The following GATB variants were observed in gnomAD, a reference collection of about 807,000 sequenced individuals.
GATB encodes glutamyl-tRNA amidotransferase subunit B, also known as glutamyl-tRNA(Gln) amidotransferase subunit B, mitochondrial.
GATB carries 39 observed loss-of-function variants against 62.3 expected under a neutral mutation model. That is an observed-to-expected ratio of 0.63 (90% CI 0.48 to 0.82). The LOEUF (loss-of-function observed/expected upper bound fraction) is 0.82, where lower values mean the gene tolerates loss of function less well. GATB is among the 40% of genes least tolerant of loss of function. The probability of loss-of-function intolerance (pLI) is 0.00; values close to 1 mark genes in which losing one functional copy is unlikely to be tolerated. For synonymous variants in GATB, 276 were observed against 258.9 expected, an observed-to-expected ratio of 1.07 and a Z score of -0.63; for missense variants, 670 against 684.0, an observed-to-expected ratio of 0.98 and a Z score of 0.23.
chr4:151,748,605 A>G (rs1454379054), intron 2 of GATB, among the ~76,000 whole-genome samples: 1 of 152,234 alleles, frequency 6.6e-6, no homozygotes, highest in African/African-American at 2.4e-5. Context: ...GGCATGGGCA[A>G]GGACTTCATG....
At chr4:151,721,940 C>T in intron 2 of GATB, 1 of 502,600 alleles carries the variant, frequency 2.0e-6, no homozygotes, top group Non-Finnish European at 3.5e-6. Context: ...GTAAAACACA[C>T]AAACATTACA....
At chr4:151,742,008 C>G (rs1276732605) in intron 2 of GATB, among the ~76,000 whole-genome samples, 2 of 151,992 alleles carry the variant, frequency 1.3e-5, no homozygotes, top group Admixed American at 6.6e-5. Flanking sequence ...CTGGGATGTG[C>G]ACCAACCTTG....
chr4:151,713,713 C>T (rs1294981927), intron 5 of GATB, among the ~76,000 whole-genome samples: 2 of 152,184 alleles, frequency 1.3e-5, no homozygotes, highest in African/African-American at 2.4e-5. Context: ...CTTGGCACCC[C>T]ACCTTGCTAT....
chr4:151,690,464 CTA>C (rs1738341518), intron 9 of GATB, among the ~76,000 whole-genome samples: 1 of 152,256 alleles, frequency 6.6e-6, no homozygotes, highest in Non-Finnish European at 1.5e-5. Flanking sequence ...ATTCAAACTT[CTA>C]CAATAGTACA....
Position 151,730,845 on chromosome 4 carries a change from T to C in GATB, c.328-11307A>G, listed in dbSNP as rs1275151705. On this transcript the variant is annotated intron_variant, in intron 2 of 12. Coordinates refer to ENST00000263985, the MANE Select transcript of GATB (RefSeq NM_004564.3). This position sits in a 1 kb window ranked among gnomAD's most constrained non-coding sequence, Gnocchi z 4.1. ...TGAGAAGGAACGAGAAAACCAACGCTGGTAATATGACAAAACAAGGCTTTT... is the reference window on the plus strand; with the variant it reads ...TGAGAAGGAACGAGAAAACCAACGCCGGTAATATGACAAAACAAGGCTTTT... 1.3e-5 allele frequency among the ~76,000 whole-genome samples: 2 copies of C among 152,162 alleles called. No homozygotes were observed. Among genetic ancestry groups the C allele is most frequent in the Non-Finnish European group, 2.9e-5 (2 of 68,036 alleles).
intron 2 of GATB, among the ~76,000 whole-genome samples, chr4:151,734,097 G>A (rs1473996378): frequency 6.6e-6 from 1 of 152,160 alleles, no homozygotes; most frequent in Non-Finnish European, 1.5e-5. Context: ...GCCCTAGCCA[G>A]AGCAATCAGA....
chr4:151,673,548 T>A (rs1405657098), intron 11 of GATB: 2 of 152,214 alleles, frequency 1.3e-5, no homozygotes, highest in African/African-American at 4.8e-5. Flanking sequence ...CCCCCTGGCC[T>A]ACCACATTCA....
intron 6 of GATB, 68 bp from the exon 7 acceptor site, chr4:151,705,337 G>T: frequency 1.1e-6 from 1 of 919,904 alleles, no homozygotes; most frequent in Non-Finnish European, 1.7e-6. Context: ...GCAATAATTA[G>T]AAACAACCTT....
chr4:151,759,217 T>C (rs151122917), intron 1 of GATB, among the ~76,000 whole-genome samples: 1 of 152,242 alleles, frequency 6.6e-6, no homozygotes, highest in Non-Finnish European at 1.5e-5. Context: ...TTAAAACAAT[T>C]TAGAAATGGG....
At chr4:151,685,433 C>T (rs1738224551) in intron 10 of GATB, among the ~76,000 whole-genome samples, 1 of 152,178 alleles carries the variant, frequency 6.6e-6, no homozygotes, top group South Asian at 2.1e-4. Context: ...GCTGAATCCC[C>T]CTGACGTTCC....
Position 151,760,842 on chromosome 4 carries a change from C to T in GATB, c.141G>A (p.Gln47=). 1 of 1,611,466 alleles carries T rather than the reference C, an allele frequency of 6.2e-7. No individual in the cohort carries two copies. Among genetic ancestry groups the T allele is most frequent in the Non-Finnish European group, 8.5e-7 (1 of 1,178,706 alleles). The change falls in exon 1 of 13, where the codon CAG becomes CAA. Residue 47 remains glutamine (Q), a synonymous_variant. Transcript: ENST00000263985. ...NQIRGESSVA[Q]QPLHTAQKTR... is the part of the protein sequence containing the mutation. ...TCTTCTGGGCCGTGTGGAGGGGCTG[C>T]TGAGCCACTGAGCTCTCTCCCCTAA...
At chr4:151,677,739 C>G (rs1023347462) in intron 11 of GATB, 1 of 151,966 alleles carries the variant, frequency 6.6e-6, no homozygotes, top group South Asian at 2.1e-4. Flanking sequence ...AGGACTGATG[C>G]GTGCCGCAAC....
intron 12 of GATB, 88 bp downstream of exon 12, chr4:151,672,674 C>T: frequency 7.1e-7 from 1 of 1,416,288 alleles, no homozygotes; most frequent in Non-Finnish European, 9.6e-7. Context: ...TTAGGAAGAG[C>T]CTCTGGGCTG....
At chr4:151,672,028 C>T (rs1212401289) in intron 12 of GATB, among the ~76,000 whole-genome samples, 1 of 152,178 alleles carries the variant, frequency 6.6e-6, no homozygotes, top group Non-Finnish European at 1.5e-5. Flanking sequence ...GCTGTGGAGG[C>T]CCAGTGCAGG....
chr4:151,694,087 C>T (rs1048251757), intron 9 of GATB, among the ~76,000 whole-genome samples: 4 of 152,198 alleles, frequency 2.6e-5, no homozygotes, highest in East Asian at 3.8e-4. Flanking sequence ...ACTGTCCAAT[C>T]GTCCCCACAT....
chr4:151,730,308 C>A lies in GATB; in HGVS notation c.328-10770G>T, dbSNP rs1161305505. Reference sequence around the variant, plus strand: ...AGAGTCTGAGCTCAGACATGCCTAGCCCTGCTGCCACCTGATGGTCCTTCC... The same window carrying A: ...AGAGTCTGAGCTCAGACATGCCTAGACCTGCTGCCACCTGATGGTCCTTCC... On this transcript the variant is annotated intron_variant, in intron 2 of 12. Coordinates refer to ENST00000263985, the MANE Select transcript of GATB (RefSeq NM_004564.3). This position sits in a 1 kb window ranked among gnomAD's most constrained non-coding sequence, Gnocchi z 4.1. Among the ~76,000 whole-genome samples, 2 of 152,176 alleles carry A rather than the reference C, an allele frequency of 1.3e-5. No homozygotes were observed. Among genetic ancestry groups the A allele is most frequent in the African/African-American group, 4.8e-5 (2 of 41,442 alleles).
At chr4:151,695,892 G>A (rs1433632929) in intron 9 of GATB, among the ~76,000 whole-genome samples, 1 of 151,730 alleles carries the variant, frequency 6.6e-6, no homozygotes. Context: ...CGAGTAGCTG[G>A]GACTACAGGT....
intron 2 of GATB, chr4:151,721,975 C>CT (rs963753588): frequency 2.7e-5 from 15 of 561,752 alleles, no homozygotes; most frequent in East Asian, 3.0e-5. Flanking sequence ...ATGCTTTAAT[C>CT]TTTTTTTGAT....
chr4:151,714,708 G>A (rs1446339489), intron 5 of GATB, among the ~76,000 whole-genome samples: 3 of 152,082 alleles, frequency 2.0e-5, no homozygotes, highest in Non-Finnish European at 4.4e-5. Flanking sequence ...AGAAGAATGG[G>A]ATAATAAAAA....
Sources: allele counts gnomAD v4.1 joint callset (sites outside exome capture counted in the v4.1 genomes callset), GRCh38; gene constraint gnomAD v4.1.1; non-coding constraint Gnocchi (gnomAD v3.1); transcripts MANE v1.5; gene names NCBI Gene and HGNC (gene_info 2026-07-23, HGNC 2026-07-21).